Variants in FBXW8 observed in about 807,000 individuals in gnomAD.
The protein encoded by FBXW8 is F-box and WD repeat domain containing 8, also known as F-box/WD repeat-containing protein 8.
Under a neutral mutation model 65.3 loss-of-function variants are expected in FBXW8, and 57 were observed. That is an observed-to-expected ratio of 0.87 (90% CI 0.71 to 1.09). FBXW8 has a LOEUF of 1.09. FBXW8 is among the 50% of genes least tolerant of loss of function. The probability of loss-of-function intolerance (pLI) is 0.00; values close to 1 mark genes in which losing one functional copy is unlikely to be tolerated. For synonymous variants in FBXW8, 308 were observed against 330.2 expected (o/e 0.93, Z 0.73); for missense variants, 777 against 814.8 (o/e 0.95, Z 0.57).
intron 5 of FBXW8, among the ~76,000 whole-genome samples, chr12:116,980,789 C>T (rs1401331169): frequency 6.6e-6 from 1 of 152,146 alleles, no homozygotes; most frequent in Non-Finnish European, 1.5e-5. Flanking sequence ...GACAGCATGA[C>T]CAAAAGTTAA....
chr12:116,928,895 C>T (rs957869628), intron 2 of FBXW8, among the ~76,000 whole-genome samples: 1 of 152,174 alleles, frequency 6.6e-6, no homozygotes, highest in African/African-American at 2.4e-5. Context: ...ACTGCAACCT[C>T]TGCCTCCCAG....
chr12:116,986,422 A>C (rs1307801526), intron 6 of FBXW8: 1 of 152,228 alleles, frequency 6.6e-6, no homozygotes, highest in African/African-American at 2.4e-5. Flanking sequence ...AGGTCAGGAG[A>C]TCGAGACCAT....
At chr12:117,010,631 G>A (rs535569990) in intron 8 of FBXW8, among the ~76,000 whole-genome samples, 181 bp downstream of exon 8, 1 of 152,314 alleles carries the variant, frequency 6.6e-6, no homozygotes, top group Non-Finnish European at 1.5e-5. Flanking sequence ...ATAGTTGGAT[G>A]TAGCTATGTC....
chr12:116,917,875 C>G (rs1880560994), intron 1 of FBXW8, among the ~76,000 whole-genome samples: 1 of 151,892 alleles, frequency 6.6e-6, no homozygotes, highest in East Asian at 1.9e-4. Context: ...GCCTGTAGTC[C>G]CAGCTACTGG....
In FBXW8 at chr12:117,028,795, G is replaced by A. The variant is rs1450286512; in HGVS notation, c.*623G>A. ...CTATTTTGCTTACTATTGTGTCTATGATATGTGATACAAAGCAAATATTTT... is the reference window on the plus strand; with the variant it reads ...CTATTTTGCTTACTATTGTGTCTATAATATGTGATACAAAGCAAATATTTT... On this transcript the variant is annotated 3_prime_UTR_variant, in exon 11 of 11. Coordinates refer to ENST00000652555, the MANE Select transcript of FBXW8 (RefSeq NM_153348.3). The surrounding 1 kb of genome is among the most constrained non-coding windows in gnomAD (Gnocchi z 4.1). 4.6e-5 allele frequency: 7 copies of A among 152,808 alleles called. No homozygotes were observed. Among genetic ancestry groups the A allele is most frequent in the African/African-American group, 1.7e-4 (7 of 41,428 alleles). The allele number at this position is 152,808 out of a possible 1,614,324, so 9.5% of individuals were successfully genotyped here.
At chr12:116,947,736 CAAA>C (rs60233448) in intron 3 of FBXW8, among the ~76,000 whole-genome samples, 1 of 74,492 alleles carries the variant, frequency 1.3e-5, no homozygotes, top group Admixed American at 1.5e-4. Context: ...GAGACTGTCT[CAAA>C]AAAAAAAAAA....
intron 1 of FBXW8, among the ~76,000 whole-genome samples, chr12:116,918,403 A>G (rs1340275682): frequency 6.6e-6 from 1 of 152,188 alleles, no homozygotes; most frequent in East Asian, 1.9e-4. Flanking sequence ...TTAAAAACCC[A>G]AACTGGAATC....
At chr12:116,938,974 G>T (rs73397415) in intron 2 of FBXW8, among the ~76,000 whole-genome samples, 1 of 152,130 alleles carries the variant, frequency 6.6e-6, no homozygotes, top group Admixed American at 6.6e-5. Flanking sequence ...TCATAGGTTG[G>T]GTGGGAAGTA....
Position 116,964,688 on chromosome 12 carries a change from C to A in FBXW8, c.678-9C>A. On this transcript the variant is annotated splice_polypyrimidine_tract_variant and intron_variant, in intron 4 of 10. Coordinates refer to ENST00000652555, the MANE Select transcript of FBXW8 (RefSeq NM_153348.3). ...TCCTTTTGGAACCAAGTGTGTCGTT[C>A]TCTTCCAGATATACATCAGGGGATG... 1 of 1,613,552 alleles carries A rather than the reference C, an allele frequency of 6.2e-7. No homozygotes were observed. Among genetic ancestry groups the A allele is most frequent in the South Asian group, 1.1e-5 (1 of 91,028 alleles).
chr12:116,957,506 G>C (rs1883726326), intron 4 of FBXW8, among the ~76,000 whole-genome samples: 1 of 152,158 alleles, frequency 6.6e-6, no homozygotes, highest in African/African-American at 2.4e-5. Flanking sequence ...CACTCGCTTA[G>C]TTTTATATGT....
intron 7 of FBXW8, among the ~76,000 whole-genome samples, chr12:116,989,335 T>C (rs1288084794): frequency 6.6e-6 from 1 of 152,228 alleles, no homozygotes; most frequent in Non-Finnish European, 1.5e-5. Flanking sequence ...GGTAGGTGTT[T>C]AGCTTGCTTT....
intron 8 of FBXW8, among the ~76,000 whole-genome samples, chr12:117,016,879 T>G (rs1175756600): frequency 1.3e-5 from 2 of 152,218 alleles, no homozygotes; most frequent in African/African-American, 4.8e-5. Context: ...CACCATCTGT[T>G]GAAAAGACAA....
intron 6 of FBXW8, 146 bp downstream of exon 6, chr12:116,985,548 A>G (rs918690134): frequency 1.4e-6 from 1 of 738,940 alleles, no homozygotes; most frequent in Non-Finnish European, 2.2e-6. Context: ...AGCCTTACAA[A>G]ATAGGTAGTA....
intron 8 of FBXW8, among the ~76,000 whole-genome samples, chr12:117,021,309 G>C (rs1954088422): frequency 6.6e-6 from 1 of 152,106 alleles, no homozygotes; most frequent in Non-Finnish European, 1.5e-5. Context: ...TTTAATAATG[G>C]GTTGTCAGTC....
chr12:116,989,697 A>C (rs1374839320), intron 7 of FBXW8, among the ~76,000 whole-genome samples: 1 of 152,114 alleles, frequency 6.6e-6, no homozygotes. Context: ...GGAGAGAGAG[A>C]AAGTTTTTGT....
chr12:116,995,212 T>G (rs1953347181), intron 7 of FBXW8, among the ~76,000 whole-genome samples: 1 of 152,208 alleles, frequency 6.6e-6, no homozygotes, highest in Non-Finnish European at 1.5e-5. Flanking sequence ...ATCGGCAGCG[T>G]ACGCGGACAT....
rs139355960 is a variant in FBXW8, at chr12:116,982,957, G to A, written c.836-2249G>A. On this transcript the variant is annotated intron_variant, in intron 5 of 10. Transcript: ENST00000652555. ...CTAAATTCCAGCCCAACTTCATGAC[G>A]TACCAAGTCATGACATAACAAGTGG... 3.9e-3 allele frequency among the ~76,000 whole-genome samples: 586 copies of A among 152,098 alleles called. 2 individuals carry two copies. The highest frequency in any genetic ancestry group is 0.012 in the African/African-American group (502 of 41,472).
At chr12:116,999,153 G>A (rs1953449446) in intron 7 of FBXW8, among the ~76,000 whole-genome samples, 1 of 152,146 alleles carries the variant, frequency 6.6e-6, no homozygotes, top group South Asian at 2.1e-4. Flanking sequence ...CCTTTGTAGA[G>A]AGCAAAGGAA....
intron 4 of FBXW8, among the ~76,000 whole-genome samples, chr12:116,954,628 C>T (rs931633497): frequency 6.6e-6 from 1 of 152,184 alleles, no homozygotes; most frequent in African/African-American, 2.4e-5. Flanking sequence ...AAAGTTCTCT[C>T]ATTATCGTCT....
Sources: gnomAD v4.1 joint callset for allele counts (sites outside exome capture counted in the v4.1 genomes callset) on GRCh38, gnomAD v4.1.1 for gene constraint, Gnocchi (gnomAD v3.1) non-coding constraint, MANE v1.5 for transcripts, NCBI Gene and HGNC (gene_info 2026-07-23, HGNC 2026-07-21) for gene names.